The following DAGLB variants were observed in gnomAD, a reference collection of about 807,000 sequenced individuals.
DAGLB encodes diacylglycerol lipase beta.
DAGLB carries 66 observed loss-of-function variants against 72.1 expected under a neutral mutation model. The observed-to-expected ratio is 0.92, with a 90% CI of 0.75 to 1.12. DAGLB has a LOEUF of 1.12. Among genes scored for constraint, DAGLB ranks in the 50% most tolerant of loss-of-function variants. The pLI is 0.00. For synonymous variants in DAGLB, 414 were observed against 359.5 expected, an observed-to-expected ratio of 1.15 and a Z score of -1.71; for missense variants, 1,065 against 884.9, an observed-to-expected ratio of 1.20 and a Z score of -2.58.
intron 9 of DAGLB, chr7:6,417,420 AACAG>A (rs1407083462): frequency 6.5e-6 from 1 of 153,890 alleles, no homozygotes; most frequent in South Asian, 2.0e-4. Flanking sequence ...TCAAAAAACA[AACAG>A]ACAAACAAAA....
intron 2 of DAGLB, among the ~76,000 whole-genome samples, chr7:6,441,767 CAATT>C (rs1437241376): frequency 2.0e-5 from 3 of 152,086 alleles, no homozygotes; most frequent in Non-Finnish European, 1.5e-5. Flanking sequence ...AACAAACTGA[CAATT>C]AAACGAACAT....
At chr7:6,426,232 T>C (rs1329973448) in intron 6 of DAGLB, 118 bp from the exon 7 acceptor site, 18 of 1,446,060 alleles carry the variant, frequency 1.2e-5, no homozygotes, top group South Asian at 2.5e-5. Flanking sequence ...TCTCAGGACT[T>C]AGCCTGGCTG....
chr7:6,434,641 CCCCACACA>C (rs1318317366), intron 4 of DAGLB, 113 bp downstream of exon 4: 1 of 1,504,492 alleles, frequency 6.6e-7, no homozygotes, highest in African/African-American at 1.4e-5. Context: ...TCCGGCCACC[CCCCACACA>C]CCCAAAGACA....
intron 9 of DAGLB, chr7:6,417,379 G>A (rs1022448501): frequency 4.5e-5 from 7 of 157,250 alleles, no homozygotes; most frequent in Admixed American, 2.5e-4. Context: ...AGTTATCGTC[G>A]CACCACTGGG....
chr7:6,410,115 C>G lies in DAGLB; in HGVS notation c.1820+15G>C. 3.8e-6 allele frequency: 6 copies of G among 1,572,784 alleles called. No homozygotes were observed. Among genetic ancestry groups the G allele is most frequent in the Non-Finnish European group, 5.2e-6 (6 of 1,156,650 alleles). Reference sequence around the variant, plus strand: ...TGCTCCTGCCTGCCCACCACACCCACCACGCCGCACTCACCGCCCCGAGGC... The same window carrying G: ...TGCTCCTGCCTGCCCACCACACCCAGCACGCCGCACTCACCGCCCCGAGGC... On this transcript the variant is annotated intron_variant, in intron 14 of 14. Coordinates refer to ENST00000297056, the MANE Select transcript of DAGLB (RefSeq NM_139179.4).
intron 11 of DAGLB, 73 bp from the exon 12 acceptor site, chr7:6,413,107 C>T: frequency 6.6e-7 from 1 of 1,507,224 alleles, no homozygotes; most frequent in Non-Finnish European, 9.1e-7. Flanking sequence ...TGAAAGAAAT[C>T]AGTAACACTG....
At chr7:6,424,887 G>T (rs1784253965) in intron 7 of DAGLB, 52 bp from the exon 8 acceptor site, 1 of 1,582,764 alleles carries the variant, frequency 6.3e-7, no homozygotes, top group African/African-American at 1.3e-5. Flanking sequence ...ACACGCACCA[G>T]CACGCAAAGT....
At chr7:6,410,668 A>G (rs896596744) in intron 13 of DAGLB, among the ~76,000 whole-genome samples, 1 of 152,116 alleles carries the variant, frequency 6.6e-6, no homozygotes, top group Non-Finnish European at 1.5e-5. Context: ...ACTGTGAGGG[A>G]TATTTCCCTT....
chr7:6,446,122 G>A lies in DAGLB; in HGVS notation c.96-18C>T, dbSNP rs1407669742. On this transcript the variant is annotated intron_variant, in intron 1 of 14. Coordinates refer to ENST00000297056, the MANE Select transcript of DAGLB (RefSeq NM_139179.4). Reference sequence around the variant, plus strand: ...CAATCCACCTGGCAAAAAAAAAAAAGGGAAGGGTCAGAAATGAAATCCAAG... The same window carrying A: ...CAATCCACCTGGCAAAAAAAAAAAAAGGAAGGGTCAGAAATGAAATCCAAG... 28 of 1,565,712 alleles carry A rather than the reference G, an allele frequency of 1.8e-5. No homozygotes were observed. The highest frequency in any genetic ancestry group is 9.4e-5 in the South Asian group (8 of 85,258).
chr7:6,435,818 G>A (rs562219005), intron 3 of DAGLB, among the ~76,000 whole-genome samples: 1 of 152,310 alleles, frequency 6.6e-6, no homozygotes, highest in Non-Finnish European at 1.5e-5. Context: ...GCCCCCTGGC[G>A]GTGTGACTCG....
chr7:6,440,651 CT>C (rs1314308093), intron 2 of DAGLB, among the ~76,000 whole-genome samples: 2 of 152,154 alleles, frequency 1.3e-5, no homozygotes, highest in Admixed American at 1.3e-4. Flanking sequence ...AATCCCAACA[CT>C]TTGGGAGGCC....
intron 2 of DAGLB, among the ~76,000 whole-genome samples, chr7:6,443,489 C>A (rs961561144): frequency 2.0e-5 from 3 of 152,102 alleles, no homozygotes; most frequent in Non-Finnish European, 4.4e-5. Flanking sequence ...ACACAGAGCT[C>A]TGTTTTCTAT....
intron 6 of DAGLB, among the ~76,000 whole-genome samples, chr7:6,430,250 C>CATATACAT (rs1491373912): frequency 4.4e-5 from 2 of 45,738 alleles, no homozygotes; most frequent in African/African-American, 2.1e-4. Flanking sequence ...AATACATGTG[C>CATATACAT]ATATATATAT....
intron 9 of DAGLB, 78 bp downstream of exon 9, chr7:6,421,649 G>C: frequency 6.8e-7 from 1 of 1,470,854 alleles, no homozygotes; most frequent in Non-Finnish European, 9.2e-7. Flanking sequence ...CGCGGGCTCT[G>C]TGCAGTCCCT....
In DAGLB at chr7:6,436,061, T is replaced by C. The variant is rs76201880; in HGVS notation, c.419+301A>G. On this transcript the variant is annotated intron_variant, in intron 3 of 14. Transcript: ENST00000297056. ...CTTCCGAATTCTTATAAGAGAAGGG[T>C]TAGGAATAAAAGACTTTAAGAAAAA... is the stretch of plus-strand genomic sequence containing the variant. 4.6e-4 allele frequency among the ~76,000 whole-genome samples: 69 copies of C among 150,392 alleles called. No individual in the cohort carries two copies. In the East Asian group the frequency reaches 0.013, roughly 28 times the overall value.
chr7:6,447,250 G>T (rs963187360), intron 1 of DAGLB, among the ~76,000 whole-genome samples: 2 of 152,180 alleles, frequency 1.3e-5, no homozygotes, highest in African/African-American at 4.8e-5. Context: ...AGACAACAGC[G>T]TTGTATGTTG....
chr7:6,426,048 G>A lies in DAGLB; in HGVS notation c.996C>T (p.Ser332=). ...ACTGCAGCCCTGTGGTGTGCAGGAT[G>A]GAGCCGAAGTGACAGTTGAGCTGAT... The part of the protein sequence containing the change: ...GGDQLNCHFG[S]ILHTTGLQYR... The change falls in exon 7 of 15, where the codon TCC becomes TCT. Residue 332 remains serine, a synonymous_variant. Coordinates refer to ENST00000297056, the MANE Select transcript of DAGLB (RefSeq NM_139179.4). 6.2e-7 allele frequency: 1 copy of A among 1,614,112 alleles called. No individual in the cohort carries two copies. The highest frequency in any genetic ancestry group is 8.5e-7 in the Non-Finnish European group (1 of 1,180,018).
At chr7:6,418,866 G>T (rs543605562) in intron 9 of DAGLB, among the ~76,000 whole-genome samples, 4 of 151,506 alleles carry the variant, frequency 2.6e-5, no homozygotes, top group African/African-American at 7.3e-5. Context: ...GGGTTTCACC[G>T]TGTTAGCCAG....
At chr7:6,411,908 ATCTT>A (rs1783741821) in intron 13 of DAGLB, among the ~76,000 whole-genome samples, 1 of 152,184 alleles carries the variant, frequency 6.6e-6, no homozygotes, top group South Asian at 2.1e-4. Flanking sequence ...ATGGATATCT[ATCTT>A]TATCGGCAGA....
Sources: gnomAD v4.1 joint callset for allele counts (sites outside exome capture counted in the v4.1 genomes callset) on GRCh38, gnomAD v4.1.1 for gene constraint, MANE v1.5 for transcripts, NCBI Gene and HGNC (gene_info 2026-07-23, HGNC 2026-07-21) for gene names.